PDGFRL: variants seen among roughly 807,000 people sequenced by gnomAD.
PDGFRL encodes platelet derived growth factor receptor like, also known as platelet-derived growth factor receptor-like protein.
PDGFRL carries 46 observed loss-of-function variants against 37.2 expected under a neutral mutation model. The ratio of observed to expected loss-of-function variants is 1.24; its 90% confidence interval spans 0.98 to 1.58. PDGFRL has a LOEUF of 1.58. PDGFRL is among the 40% of genes most tolerant of loss of function. The pLI is 0.00. For synonymous variants in PDGFRL, 251 were observed against 184.3 expected (o/e 1.36, Z -2.93); for missense variants, 692 against 467.6 (o/e 1.48, Z -4.43).
At chr8:17,625,292 C>T (rs1260744864) in intron 3 of PDGFRL, among the ~76,000 whole-genome samples, 1 of 152,156 alleles carries the variant, frequency 6.6e-6, no homozygotes, top group Admixed American at 6.5e-5. Flanking sequence ...GCTGGGATTA[C>T]AGGCATGCGC....
At chr8:17,608,986 A>C (rs1804346125) in intron 2 of PDGFRL, among the ~76,000 whole-genome samples, 2 of 152,194 alleles carry the variant, frequency 1.3e-5, no homozygotes, top group Admixed American at 6.5e-5. Context: ...TGGCAGACTG[A>C]GGCAGGAGGA....
upstream of PDGFRL, chr8:17,576,774 G>C: frequency 1.4e-6 from 1 of 730,004 alleles, no homozygotes; most frequent in Non-Finnish European, 1.7e-6. Context: ...AGTGCATGTG[G>C]GGGAGAGAAA....
chr8:17,597,243 C>A (rs562125906), intron 2 of PDGFRL, among the ~76,000 whole-genome samples: 1 of 152,236 alleles, frequency 6.6e-6, no homozygotes, highest in South Asian at 2.1e-4. Flanking sequence ...CTGGTCTACA[C>A]CTCTTGGCCT....
Position 17,628,634 on chromosome 8 carries a change from C to A in PDGFRL, c.653C>A (p.Ala218Asp), listed in dbSNP as rs755626875. 1 of 1,614,208 alleles carries A rather than the reference C, an allele frequency of 6.2e-7. No individual in the cohort carries two copies. The highest frequency in any genetic ancestry group is 1.3e-5 in the African/African-American group (1 of 75,062). The change falls in exon 4 of 6, where the codon GCC (alanine) becomes GAC (aspartate). Residue 218 changes from alanine (A) to aspartate (D), a missense_variant. By Grantham distance (126) the Ala-to-Asp change is moderately radical. Transcript: ENST00000251630. ...HREFPAKEIP[A>D]NGTDIVYDMK... ...GAATTCCCAGCCAAGGAGATCCCAG[C>A]CAATGGAACGGACATTGTTTATGAC...
chr8:17,606,604 G>T (rs61495353), intron 2 of PDGFRL, among the ~76,000 whole-genome samples: 1,724 of 152,300 alleles, frequency 0.011, 35 homozygotes, highest in African/African-American at 0.038. Flanking sequence ...CCAGAGATGG[G>T]TGGGTGGAGG....
intron 5 of PDGFRL, among the ~76,000 whole-genome samples, chr8:17,635,941 G>C (rs1165105669): frequency 2.6e-5 from 4 of 152,100 alleles, no homozygotes; most frequent in Admixed American, 2.6e-4. Context: ...GTCTATTCAT[G>C]TCCTAAGCCC....
intron 2 of PDGFRL, among the ~76,000 whole-genome samples, chr8:17,597,808 G>T (rs1478205030): frequency 6.6e-6 from 1 of 152,052 alleles, no homozygotes; most frequent in Non-Finnish European, 1.5e-5. Context: ...AAACAAGATG[G>T]TCTCTAAGGA....
chr8:17,605,702 G>T (rs1156278230), intron 2 of PDGFRL, among the ~76,000 whole-genome samples: 1 of 152,206 alleles, frequency 6.6e-6, no homozygotes, highest in African/African-American at 2.4e-5. Flanking sequence ...AAACAAGATA[G>T]GCTGATGTGG....
chr8:17,634,369 GT>G (rs146512842), intron 5 of PDGFRL, among the ~76,000 whole-genome samples, 156 bp downstream of exon 5: 1 of 151,594 alleles, frequency 6.6e-6, no homozygotes, highest in Non-Finnish European at 1.5e-5. Context: ...GGTATTGTTT[GT>G]TTTTTTTGAA....
At chr8:17,625,450 G>GA (rs1249488054) in intron 3 of PDGFRL, among the ~76,000 whole-genome samples, 6 of 48,026 alleles carry the variant, frequency 1.2e-4, no homozygotes, top group Middle Eastern at 0.014. Flanking sequence ...GCACCTGGTC[G>GA]AGTTTTTTTT....
At chr8:17,629,964 C>G (rs1274805639) in intron 4 of PDGFRL, among the ~76,000 whole-genome samples, 2 of 152,178 alleles carry the variant, frequency 1.3e-5, no homozygotes, top group Non-Finnish European at 2.9e-5. Context: ...ACTACCCACA[C>G]CCGGCACGCC....
intron 4 of PDGFRL, among the ~76,000 whole-genome samples, chr8:17,632,971 A>G (rs114658104): frequency 4.6e-5 from 7 of 152,038 alleles, no homozygotes; most frequent in African/African-American, 7.3e-5. Flanking sequence ...CTTTTGGAGT[A>G]CTCTGGGCTT....
chr8:17,577,443 C>G (rs1247160125), intron 1 of PDGFRL, 136 bp downstream of exon 1: 17 of 733,892 alleles, frequency 2.3e-5, no homozygotes, highest in African/African-American at 1.6e-4. Flanking sequence ...CACTGCCTGC[C>G]CGGTGCACCT....
At chr8:17,603,837 C>T (rs546233592) in intron 2 of PDGFRL, among the ~76,000 whole-genome samples, 1 of 152,224 alleles carries the variant, frequency 6.6e-6, no homozygotes, top group African/African-American at 2.4e-5. Context: ...GAGGAGGAAA[C>T]TCAAGCTCAT....
At chr8:17,590,236 C>CAAAAAA (rs770779669) in intron 2 of PDGFRL, among the ~76,000 whole-genome samples, 2,362 of 35,508 alleles carry the variant, frequency 0.067, 319 homozygotes, top group East Asian at 0.25. Context: ...GACTCCATCT[C>CAAAAAA]AAAAAAAAAA....
At chr8:17,616,815 A>G (rs981708912) in intron 2 of PDGFRL, among the ~76,000 whole-genome samples, 1 of 152,166 alleles carries the variant, frequency 6.6e-6, no homozygotes, top group South Asian at 2.1e-4. Flanking sequence ...CTTACTAAGT[A>G]TGTGTGGGTA....
intron 2 of PDGFRL, among the ~76,000 whole-genome samples, chr8:17,608,593 T>C (rs79604261): frequency 0.026 from 3,983 of 152,262 alleles, 178 homozygotes; most frequent in African/African-American, 0.09. Flanking sequence ...GTTGGTCTGC[T>C]GAGGAGAATG....
Position 17,594,435 on chromosome 8 carries a change from T to A in PDGFRL, c.353+4670T>A, listed in dbSNP as rs1804008694. Among the ~76,000 whole-genome samples, 3 of 151,946 alleles carry A rather than the reference T, an allele frequency of 2.0e-5. No individual in the cohort carries two copies. In the South Asian group the frequency reaches 6.2e-4, roughly 31 times the overall value. ...TTTGTATCTTCTATAGAGACAGGGTTTCACTATGATGGCCAGGCTGGTCTT... is the reference window on the plus strand; with the variant it reads ...TTTGTATCTTCTATAGAGACAGGGTATCACTATGATGGCCAGGCTGGTCTT... On this transcript the variant is annotated intron_variant, in intron 2 of 5. Coordinates refer to ENST00000251630, the MANE Select transcript of PDGFRL (RefSeq NM_001372073.1).
intron 4 of PDGFRL, 47 bp downstream of exon 4, chr8:17,628,827 G>C (rs776107944): frequency 2.9e-6 from 4 of 1,357,102 alleles, no homozygotes; most frequent in East Asian, 4.6e-5. Flanking sequence ...CCCCTGGTCA[G>C]TTTCAGGTAC....
Sources: gnomAD v4.1 joint callset for allele counts (sites outside exome capture counted in the v4.1 genomes callset) on GRCh38, gnomAD v4.1.1 for gene constraint, MANE v1.5 for transcripts, NCBI Gene and HGNC (gene_info 2026-07-23, HGNC 2026-07-21) for gene names.